Variants in STAU2 observed in about 807,000 individuals in gnomAD.
The protein encoded by STAU2 is staufen double-stranded RNA binding protein 2.
Under a neutral mutation model 65.9 loss-of-function variants are expected in STAU2, and 20 were observed. That is an observed-to-expected ratio of 0.30 (90% CI 0.21 to 0.44). The LOEUF (loss-of-function observed/expected upper bound fraction) is 0.44. STAU2 is among the 20% of genes least tolerant of loss of function. The pLI is 1.00. For synonymous variants in STAU2, 232 were observed against 233.9 expected, an observed-to-expected ratio of 0.99 and a Z score of 0.07; for missense variants, 558 against 683.9, an observed-to-expected ratio of 0.82 and a Z score of 2.05.
chr8:73,687,751 G>A (rs369623911), intron 5 of STAU2, among the ~76,000 whole-genome samples: 6 of 151,302 alleles, frequency 4.0e-5, no homozygotes, highest in South Asian at 4.2e-4. Flanking sequence ...TCGCTCTGTC[G>A]CCCAGGCTGG....
intron 13 of STAU2, among the ~76,000 whole-genome samples, chr8:73,538,074 G>T (rs1806301138): frequency 6.6e-6 from 1 of 152,160 alleles, no homozygotes; most frequent in Non-Finnish European, 1.5e-5. Context: ...AAAGACCAAA[G>T]AACTGATACT....
At chr8:73,639,660 A>G (rs1814811589) in intron 6 of STAU2, among the ~76,000 whole-genome samples, 2 of 152,136 alleles carry the variant, frequency 1.3e-5, no homozygotes, top group African/African-American at 4.8e-5. Flanking sequence ...AGAGGCTCCT[A>G]CATATTTAAA....
At chr8:73,639,928 G>A (rs964809036) in intron 6 of STAU2, among the ~76,000 whole-genome samples, 1 of 152,056 alleles carries the variant, frequency 6.6e-6, no homozygotes, top group African/African-American at 2.4e-5. Flanking sequence ...AATCAAAGAG[G>A]TGAAGTATTC....
chr8:73,519,039 C>G (rs1408270810), intron 13 of STAU2, among the ~76,000 whole-genome samples: 1 of 152,098 alleles, frequency 6.6e-6, no homozygotes, highest in African/African-American at 2.4e-5. Context: ...AAAAAATAAA[C>G]AAAAATCAAG....
At chr8:73,627,217 G>GGGT (rs1813726264) in intron 6 of STAU2, among the ~76,000 whole-genome samples, 1 of 48,432 alleles carries the variant, frequency 2.1e-5, no homozygotes, top group Admixed American at 1.7e-4. Context: ...GCGGGGGGGG[G>GGGT]GGGGGAGGGG....
chr8:73,617,510 CATAA>C, intron 6 of STAU2, 59 bp from the exon 7 acceptor site: 1 of 1,499,750 alleles, frequency 6.7e-7, no homozygotes, highest in Non-Finnish European at 9.1e-7. Context: ...TATAATCATT[CATAA>C]GATTTGTTTA....
At chr8:73,470,019 C>T (rs2128905034) in intron 13 of STAU2, among the ~76,000 whole-genome samples, 1 of 152,296 alleles carries the variant, frequency 6.6e-6, no homozygotes, top group Middle Eastern at 3.4e-3. Flanking sequence ...TGTACAGGCT[C>T]TGTGACTTGG....
At chr8:73,661,991 AC>A (rs1238950660) in intron 6 of STAU2, among the ~76,000 whole-genome samples, 8 of 152,190 alleles carry the variant, frequency 5.3e-5, no homozygotes, top group Non-Finnish European at 1.2e-4. Flanking sequence ...TACATGCTTA[AC>A]TTCATAAGAA....
intron 13 of STAU2, among the ~76,000 whole-genome samples, chr8:73,479,100 C>A (rs1291290272): frequency 6.6e-6 from 1 of 152,214 alleles, no homozygotes; most frequent in East Asian, 1.9e-4. Flanking sequence ...CCCACTCCCC[C>A]AACCCCTGGA....
chr8:73,671,602 A>T (rs1213813758), intron 6 of STAU2, among the ~76,000 whole-genome samples: 1 of 152,174 alleles, frequency 6.6e-6, no homozygotes, highest in Non-Finnish European at 1.5e-5. Flanking sequence ...TGATGTGAAC[A>T]AAGATTTACA....
At chr8:73,562,692 T>A (rs1808316383) in intron 12 of STAU2, among the ~76,000 whole-genome samples, 1 of 152,358 alleles carries the variant, frequency 6.6e-6, no homozygotes, top group South Asian at 2.1e-4. Flanking sequence ...TCTCCTTATA[T>A]GATCTAATTA....
At chr8:73,460,399 T>C (rs1408237049) in intron 13 of STAU2, among the ~76,000 whole-genome samples, 1 of 152,174 alleles carries the variant, frequency 6.6e-6, no homozygotes, top group African/African-American at 2.4e-5. Context: ...TTGTTAAACA[T>C]GTATGGTGAA....
chr8:73,426,823 A>C (rs1750760246), intron 13 of STAU2, among the ~76,000 whole-genome samples: 1 of 152,138 alleles, frequency 6.6e-6, no homozygotes, highest in African/African-American at 2.4e-5. Context: ...ACACTGCATC[A>C]AATTTCCTAT....
At chr8:73,480,196 C>A (rs887639506) in intron 13 of STAU2, among the ~76,000 whole-genome samples, 1 of 152,146 alleles carries the variant, frequency 6.6e-6, no homozygotes, top group African/African-American at 2.4e-5. Context: ...CCAATATCCT[C>A]AATGCCCTGG....
intron 3 of STAU2, among the ~76,000 whole-genome samples, chr8:73,718,484 A>G (rs1052026057): frequency 2.0e-5 from 3 of 152,220 alleles, no homozygotes; most frequent in Admixed American, 1.3e-4. Context: ...ACAGTATGAA[A>G]CCCAAAATAA....
At position 73,420,616 on chromosome 8, in the gene STAU2, G is replaced by A. The variant is rs993062326; in HGVS notation, c.*756C>T. On this transcript the variant is annotated 3_prime_UTR_variant, in exon 15 of 15. Transcript: ENST00000524300. ...GGGCGCGATTCCCACAACAGGGAGT[G>A]GAATCCGGGAAGATGATATATAGGG... 4.6e-5 allele frequency: 8 copies of A among 172,672 alleles called. No individual in the cohort carries two copies. The highest frequency in any genetic ancestry group is 1.9e-4 in the African/African-American group (8 of 42,620). 10.7% of individuals were successfully genotyped at this position (172,672 alleles called of 1,614,324 possible). A position where few individuals can be genotyped will look rare whatever the true frequency, so the allele number is the denominator to read the frequency against.
intron 6 of STAU2, among the ~76,000 whole-genome samples, chr8:73,642,465 G>A (rs1815060733): frequency 6.6e-6 from 1 of 152,072 alleles, no homozygotes; most frequent in Non-Finnish European, 1.5e-5. Flanking sequence ...GGAGGTCACA[G>A]TGAGCCAAGA....
chr8:73,715,275 G>A (rs1046763668), intron 3 of STAU2, among the ~76,000 whole-genome samples: 2 of 151,654 alleles, frequency 1.3e-5, no homozygotes, highest in Admixed American at 6.6e-5. Flanking sequence ...GGCCAACATG[G>A]TGAAACCCTG....
intron 5 of STAU2, among the ~76,000 whole-genome samples, chr8:73,675,890 C>T (rs952546744): frequency 6.6e-6 from 1 of 152,036 alleles, no homozygotes; most frequent in Non-Finnish European, 1.5e-5. Context: ...CCCGATAGAA[C>T]GGTGTCCGTG....
Sources: allele counts gnomAD v4.1 joint callset (sites outside exome capture counted in the v4.1 genomes callset), GRCh38; gene constraint gnomAD v4.1.1; transcripts MANE v1.5; gene names NCBI Gene and HGNC (gene_info 2026-07-23, HGNC 2026-07-21).